The following EYS variants were observed in gnomAD, a reference collection of about 807,000 sequenced individuals.
The protein encoded by EYS is protein eyes shut homolog.
Under a neutral mutation model 282.1 loss-of-function variants are expected in EYS, and 250 were observed. That is an observed-to-expected ratio of 0.89 (90% confidence interval 0.80 to 0.98). The LOEUF (loss-of-function observed/expected upper bound fraction) is 0.98. Ranked by LOEUF, EYS falls within the 50% of genes least tolerant of loss-of-function variation. The pLI, the probability that EYS is intolerant of heterozygous loss-of-function variation, is 0.00. For missense variants in EYS, 4,016 were observed against 3,709.0 expected, an observed-to-expected ratio of 1.08 and a Z score of -2.15; for synonymous variants, 1,355 against 1,282.9, an observed-to-expected ratio of 1.06 and a Z score of -1.20.
intron 12 of EYS, among the ~76,000 whole-genome samples, chr6:65,284,535 C>T (rs1768308079): frequency 6.6e-6 from 1 of 151,950 alleles, no homozygotes; most frequent in Non-Finnish European, 1.5e-5. Flanking sequence ...AATGAGAACC[C>T]ACCTATGCTT....
At chr6:64,615,318 C>A (rs1017334198) in intron 24 of EYS, among the ~76,000 whole-genome samples, 3 of 151,970 alleles carry the variant, frequency 2.0e-5, no homozygotes, top group Non-Finnish European at 4.4e-5. Flanking sequence ...ATCCCATTTG[C>A]ACTAAAGATT....
intron 14 of EYS, among the ~76,000 whole-genome samples, chr6:64,996,880 T>C (rs1771281815): frequency 6.6e-6 from 1 of 152,214 alleles, no homozygotes; most frequent in Non-Finnish European, 1.5e-5. Context: ...ATCAGTTCTG[T>C]TGTTAAGTAA....
At position 65,353,561 on chromosome 6, in the gene EYS, G is replaced by A. The variant is rs1453136762; in HGVS notation, c.1356C>T (p.Tyr452=). 1 of 1,612,888 alleles carries A rather than the reference G, an allele frequency of 6.2e-7. No homozygotes were observed. The highest frequency in any genetic ancestry group is 2.2e-5 in the East Asian group (1 of 44,702). The change falls in exon 9 of 43, where the codon TAC becomes TAT. Residue 452 remains tyrosine (Y), a synonymous_variant. Transcript: ENST00000503581. ...AGTAGCAGAGGTGTTGATGAATTAGGTAAACATTCTTCAAAAACCAACATG... is the reference window on the plus strand; with the variant it reads ...AGTAGCAGAGGTGTTGATGAATTAGATAAACATTCTTCAAAAACCAACATG... ...KNPCWFLKNV[Y]LIHQHLCYCG... is the part of the protein sequence containing the mutation.
intron 29 of EYS, among the ~76,000 whole-genome samples, chr6:64,349,020 T>C (rs1435490170): frequency 6.6e-6 from 1 of 151,444 alleles, no homozygotes; most frequent in Non-Finnish European, 1.5e-5. Flanking sequence ...ACGTGGAGAC[T>C]GAATACAGTA....
rs1023828213 is a variant in EYS at position 64,248,868 on chromosome 6, C to T, written c.6192-18044G>A. On this transcript the variant is annotated intron_variant, in intron 30 of 42. Coordinates refer to ENST00000503581, the MANE Select transcript of EYS (RefSeq NM_001142800.2). ...CTCAGGAGTTCGAGACCAGCCTGGG[C>T]AACATGGTGAAACCCTGTCTCTACT... 5.3e-5 allele frequency among the ~76,000 whole-genome samples: 8 copies of T among 151,882 alleles called. No homozygotes were observed. The East Asian group carries it at 1.6e-3, about 29-fold the overall frequency.
chr6:65,248,517 C>T (rs563656386), intron 12 of EYS, among the ~76,000 whole-genome samples: 168 of 152,068 alleles, frequency 1.1e-3, no homozygotes, highest in Non-Finnish European at 1.9e-3. Flanking sequence ...GCAATGTGTG[C>T]AAGTTTTGTT....
At chr6:65,196,154 C>T (rs964479388) in intron 12 of EYS, among the ~76,000 whole-genome samples, 1 of 151,860 alleles carries the variant, frequency 6.6e-6, no homozygotes, top group Non-Finnish European at 1.5e-5. Context: ...TTTGTTCACC[C>T]ATAAAGCTAT....
At chr6:65,219,810 G>A (rs1011828448) in intron 12 of EYS, among the ~76,000 whole-genome samples, 7 of 151,988 alleles carry the variant, frequency 4.6e-5, no homozygotes, top group African/African-American at 1.2e-4. Flanking sequence ...CTTACATGGC[G>A]GCAGGCAAGA....
At chr6:63,962,274 T>C (rs1467665440) in intron 35 of EYS, among the ~76,000 whole-genome samples, 1 of 152,014 alleles carries the variant, frequency 6.6e-6, no homozygotes, top group East Asian at 1.9e-4. Flanking sequence ...CTAATTAAAC[T>C]AAAGAGCTTC....
chr6:64,888,820 T>C (rs570922087), intron 18 of EYS, among the ~76,000 whole-genome samples: 1 of 152,048 alleles, frequency 6.6e-6, no homozygotes, highest in African/African-American at 2.4e-5. Flanking sequence ...GTGTTCTCAC[T>C]GAATTAATGA....
At chr6:65,245,002 A>T (rs1767145807) in intron 12 of EYS, among the ~76,000 whole-genome samples, 1 of 152,206 alleles carries the variant, frequency 6.6e-6, no homozygotes. Context: ...TATTTGAAAC[A>T]AATAGGACAT....
At chr6:64,730,557 C>A (rs1771925919) in intron 22 of EYS, among the ~76,000 whole-genome samples, 1 of 152,168 alleles carries the variant, frequency 6.6e-6, no homozygotes, top group Admixed American at 6.5e-5. Context: ...TGGCTCACTG[C>A]AACCTCAGCC....
At chr6:64,547,974 G>A (rs1764935815) in intron 26 of EYS, among the ~76,000 whole-genome samples, 1 of 152,204 alleles carries the variant, frequency 6.6e-6, no homozygotes, top group Admixed American at 6.5e-5. Context: ...GCAGCTCCAA[G>A]TGCGGGACCA....
intron 35 of EYS, among the ~76,000 whole-genome samples, chr6:63,889,124 A>G (rs1229262946): frequency 6.6e-6 from 1 of 152,258 alleles, no homozygotes; most frequent in African/African-American, 2.4e-5. Context: ...AAGGCCTCCA[A>G]GAAATATGGG....
rs557970677 is a variant in EYS, at chr6:64,171,157, A to T, written c.6424+59435T>A. 2.4e-4 allele frequency among the ~76,000 whole-genome samples: 35 copies of T among 146,988 alleles called. No homozygotes were observed. The South Asian group carries it at 3.9e-3, about 16-fold the overall frequency. ...TTGTGTATTTAACATTAAACATTTT[A>T]TGGTACTGTTAGTTTAGTTATTGAC... On this transcript the variant is annotated intron_variant, in intron 31 of 42. Transcript: ENST00000503581.
At chr6:63,839,713 T>G (rs1581878219) in intron 36 of EYS, among the ~76,000 whole-genome samples, 1 of 152,170 alleles carries the variant, frequency 6.6e-6, no homozygotes, top group African/African-American at 2.4e-5. Context: ...GACACACTGC[T>G]TTCCTTTCTT....
At chr6:65,006,202 GGAGA>G (rs963252975) in intron 13 of EYS, among the ~76,000 whole-genome samples, 1 of 151,446 alleles carries the variant, frequency 6.6e-6, no homozygotes, top group East Asian at 1.9e-4. Context: ...AGAGAGAGAC[GGAGA>G]GAGAGACAAA....
chr6:65,582,345 G>A (rs1053464572), intron 2 of EYS, among the ~76,000 whole-genome samples: 1 of 152,062 alleles, frequency 6.6e-6, no homozygotes, highest in African/African-American at 2.4e-5. Flanking sequence ...CTGGAGTTAT[G>A]TATTAAGACA....
chr6:64,175,281 T>C (rs1764592164), intron 31 of EYS, among the ~76,000 whole-genome samples: 1 of 152,162 alleles, frequency 6.6e-6, no homozygotes, highest in Non-Finnish European at 1.5e-5. Context: ...TAATATCTCC[T>C]GTCCTAACCT....
Sources: gnomAD v4.1 joint callset for allele counts (sites outside exome capture counted in the v4.1 genomes callset) on GRCh38, gnomAD v4.1.1 for gene constraint, MANE v1.5 for transcripts, NCBI Gene and HGNC (gene_info 2026-07-23, HGNC 2026-07-21) for gene names.